Variants in THSD7B observed in about 807,000 individuals in gnomAD.
THSD7B encodes thrombospondin type 1 domain containing 7B, also known as thrombospondin type-1 domain-containing protein 7B.
In THSD7B, 138 loss-of-function variants were observed where a neutral mutation model predicts 213.6. The ratio of observed to expected loss-of-function variants is 0.65; its 90% CI spans 0.56 to 0.74. The LOEUF (loss-of-function observed/expected upper bound fraction) is 0.74. Ranked by LOEUF, THSD7B falls within the 30% of genes least tolerant of loss-of-function variation. THSD7B has a pLI of 0.00. For missense variants in THSD7B, 1,931 were observed against 1,991.5 expected, an observed-to-expected ratio of 0.97 and a Z score of 0.58; for synonymous variants, 742 against 687.0, an observed-to-expected ratio of 1.08 and a Z score of -1.25.
intron 17 of THSD7B, among the ~76,000 whole-genome samples, chr2:137,575,738 A>ATATATATATATATATG (rs1461878017): frequency 3.3e-5 from 5 of 150,074 alleles, no homozygotes; most frequent in Non-Finnish European, 7.4e-5. Context: ...ATATATATAT[A>ATATATATATATATATG]TATATTTTTA....
intron 12 of THSD7B, among the ~76,000 whole-genome samples, chr2:137,282,150 G>A (rs979406893): frequency 2.0e-5 from 3 of 151,978 alleles, no homozygotes; most frequent in Middle Eastern, 3.4e-3. Context: ...TTCTCTGATG[G>A]CCAGTGATGA....
At chr2:137,476,750 G>T (rs1167799974) in intron 15 of THSD7B, among the ~76,000 whole-genome samples, 1 of 152,094 alleles carries the variant, frequency 6.6e-6, no homozygotes, top group East Asian at 1.9e-4. Flanking sequence ...ATGTTGGCCA[G>T]GCTGATTTCG....
intron 12 of THSD7B, among the ~76,000 whole-genome samples, chr2:137,332,576 G>C (rs1023348981): frequency 6.6e-6 from 1 of 152,120 alleles, no homozygotes; most frequent in Non-Finnish European, 1.5e-5. Context: ...ATTGTGTTTT[G>C]AAATGTGAGG....
intron 5 of THSD7B, among the ~76,000 whole-genome samples, chr2:137,120,083 C>G (rs1171438066): frequency 1.3e-5 from 2 of 152,064 alleles, no homozygotes; most frequent in Non-Finnish European, 2.9e-5. Flanking sequence ...GGGCTTATAG[C>G]ATTTTCTCTT....
At chr2:137,076,974 C>T (rs189763207) in intron 3 of THSD7B, among the ~76,000 whole-genome samples, 2 of 98,428 alleles carry the variant, frequency 2.0e-5, no homozygotes, top group Admixed American at 1.4e-4. Flanking sequence ...ATCCCTCCCC[C>T]CTCCCCCCAC....
intron 13 of THSD7B, 102 bp from the exon 14 acceptor site, chr2:137,411,502 CTTTAT>C (rs1189627174): frequency 9.1e-7 from 1 of 1,099,904 alleles, no homozygotes; most frequent in South Asian, 1.8e-5. Flanking sequence ...AAAACAAAGG[CTTTAT>C]TTTATTTAAT....
rs778330063 is a variant in THSD7B, at chr2:137,170,920, G to A, written c.1705G>A (p.Val569Ile). ...CGLGHRILKA[V>I]CQNDRGEDVS... is the part of the protein sequence containing the mutation. Reference sequence around the variant, plus strand: ...CCTGGGACATCGTATTCTGAAGGCCGTCTGCCAGAATGACCGCGGTATGAC... The same window carrying A: ...CCTGGGACATCGTATTCTGAAGGCCATCTGCCAGAATGACCGCGGTATGAC... Residue 569 changes from valine to isoleucine, a missense_variant, in exon 7 of 28, where the codon GTC (valine) becomes ATC (isoleucine). Physicochemically the swap from Val to Ile is conservative, Grantham distance 29 (BLOSUM62 3). Transcript: ENST00000409968. 46 of 1,612,504 alleles carry A rather than the reference G, an allele frequency of 2.9e-5. No homozygotes were observed. The highest frequency in any genetic ancestry group is 5.3e-5 in the African/African-American group (4 of 74,874).
At chr2:137,172,275 G>A (rs115008667) in intron 7 of THSD7B, among the ~76,000 whole-genome samples, 5,712 of 152,190 alleles carry the variant, frequency 0.038, 134 homozygotes, top group African/African-American at 0.069. Context: ...TGCAAGGCCT[G>A]CCTTATTCTA....
chr2:137,047,593 T>C (rs1412415117), intron 2 of THSD7B, among the ~76,000 whole-genome samples: 2 of 152,262 alleles, frequency 1.3e-5, no homozygotes, highest in East Asian at 3.9e-4. Flanking sequence ...GGGTGCTGAA[T>C]ACAAGGTCCA....
chr2:137,425,220 T>G (rs1251544638), intron 14 of THSD7B, among the ~76,000 whole-genome samples: 1 of 151,934 alleles, frequency 6.6e-6, no homozygotes, highest in African/African-American at 2.4e-5. Context: ...TATTTTTATT[T>G]TTTATTTTTT....
chr2:137,287,518 T>C (rs973766641), intron 12 of THSD7B, among the ~76,000 whole-genome samples: 3 of 152,098 alleles, frequency 2.0e-5, no homozygotes. Context: ...TTGCTTCAGG[T>C]AGAATGTGCA....
At chr2:137,504,435 G>T (rs578065659) in intron 15 of THSD7B, among the ~76,000 whole-genome samples, 1 of 152,202 alleles carries the variant, frequency 6.6e-6, no homozygotes, top group Admixed American at 6.5e-5. Flanking sequence ...GTTGGTGTTG[G>T]ATTATTCTGC....
At chr2:137,367,447 T>A (rs1573987526) in intron 12 of THSD7B, among the ~76,000 whole-genome samples, 1 of 152,138 alleles carries the variant, frequency 6.6e-6, no homozygotes, top group African/African-American at 2.4e-5. Flanking sequence ...GTCACCCCTA[T>A]GCAATATACG....
intron 10 of THSD7B, among the ~76,000 whole-genome samples, chr2:137,266,736 C>T (rs1452679390): frequency 6.6e-6 from 1 of 152,198 alleles, no homozygotes; most frequent in Non-Finnish European, 1.5e-5. Context: ...TGCACCTATG[C>T]TTGCCTCTAG....
At chr2:137,291,846 A>G (rs1006570992) in intron 12 of THSD7B, among the ~76,000 whole-genome samples, 6 of 152,144 alleles carry the variant, frequency 3.9e-5, no homozygotes, top group Non-Finnish European at 8.8e-5. Context: ...CCACTCTATG[A>G]ATTTACATGA....
At chr2:137,410,792 C>T (rs1237028874) in intron 13 of THSD7B, among the ~76,000 whole-genome samples, 1 of 152,126 alleles carries the variant, frequency 6.6e-6, no homozygotes, top group Non-Finnish European at 1.5e-5. Flanking sequence ...GCTAATGACT[C>T]ATTAATGAGA....
At chr2:137,390,580 G>C (rs1215837873) in intron 12 of THSD7B, among the ~76,000 whole-genome samples, 1 of 152,120 alleles carries the variant, frequency 6.6e-6, no homozygotes, top group Non-Finnish European at 1.5e-5. Flanking sequence ...TCGAATAAAA[G>C]TAGTAAAAGT....
intron 20 of THSD7B, among the ~76,000 whole-genome samples, chr2:137,634,000 A>C (rs770462620): frequency 6.6e-6 from 1 of 152,100 alleles, no homozygotes; most frequent in Non-Finnish European, 1.5e-5. Flanking sequence ...CTTCTTTTTC[A>C]CTTATGTTGT....
chr2:137,077,526 T>C (rs1362283764), intron 3 of THSD7B, among the ~76,000 whole-genome samples: 1 of 152,130 alleles, frequency 6.6e-6, no homozygotes, highest in Non-Finnish European at 1.5e-5. Flanking sequence ...TTCTAACTGG[T>C]GTGAGATGGT....
Sources: gnomAD v4.1 joint callset for allele counts (sites outside exome capture counted in the v4.1 genomes callset) on GRCh38, gnomAD v4.1.1 for gene constraint, MANE v1.5 for transcripts, NCBI Gene and HGNC (gene_info 2026-07-23, HGNC 2026-07-21) for gene names.